The following COG6 variants were observed in gnomAD, a reference collection of about 807,000 sequenced individuals.
COG6 encodes the protein conserved oligomeric Golgi complex subunit 6.
Under a neutral mutation model 88.8 loss-of-function variants are expected in COG6, and 74 were observed. The ratio of observed to expected loss-of-function variants is 0.83; its 90% CI spans 0.69 to 1.01. The LOEUF is 1.01. Ranked by LOEUF, COG6 falls within the 50% of genes least tolerant of loss-of-function variation. The pLI is 0.00. For missense variants in COG6, 800 were observed against 797.9 expected, an observed-to-expected ratio of 1.00 and a Z score of -0.03; for synonymous variants, 286 against 278.7, an observed-to-expected ratio of 1.03 and a Z score of -0.26.
chr13:39,705,410 T>A (rs187465858), intron 13 of COG6, among the ~76,000 whole-genome samples: 1 of 152,262 alleles, frequency 6.6e-6, no homozygotes, highest in African/African-American at 2.4e-5. Flanking sequence ...GTAGGCATAC[T>A]CCCTTCCTTA....
chr13:39,761,039 T>C (rs1880993507), intron 18 of COG6, among the ~76,000 whole-genome samples: 1 of 151,958 alleles, frequency 6.6e-6, no homozygotes. Context: ...AGAATCCACT[T>C]ATATTTCTTC....
intron 13 of COG6, among the ~76,000 whole-genome samples, chr13:39,714,205 CTT>C (rs1437562852): frequency 2.1e-5 from 3 of 140,276 alleles, no homozygotes; most frequent in East Asian, 4.2e-4. Flanking sequence ...TTAAAAATCT[CTT>C]GTGTTAATTT....
chr13:39,714,424 C>T (rs2138065533), intron 13 of COG6, among the ~76,000 whole-genome samples: 1 of 151,038 alleles, frequency 6.6e-6, no homozygotes, highest in East Asian at 2.0e-4. Flanking sequence ...AACAAATCAG[C>T]AAGAAAAAAA....
At chr13:39,746,910 G>A (rs1880380289) in intron 18 of COG6, among the ~76,000 whole-genome samples, 1 of 152,104 alleles carries the variant, frequency 6.6e-6, no homozygotes, top group Non-Finnish European at 1.5e-5. Context: ...CTAAAATAAT[G>A]TATGTGTATG....
In COG6 at chr13:39,751,256, GAAGT is replaced by G. The variant is rs1439203004; in HGVS notation, c.*170_*173del. On this transcript the variant is annotated 3_prime_UTR_variant, in exon 19 of 19. Transcript: ENST00000455146. ...TTTTTTTTTTGGTCTCAGTAACAGG[GAAGT>G]AAGTAACATGTTGACCTGAGCTAGT... 27 of 1,515,408 alleles carry G rather than the reference GAAGT, an allele frequency of 1.8e-5. No homozygotes were observed. The highest frequency in any genetic ancestry group is 3.7e-5 in the South Asian group (3 of 80,678). The allele number at this position is 1,515,408 out of a possible 1,614,324, so 93.9% of individuals were successfully genotyped here.
chr13:39,684,588 G>A (rs1296443441), intron 8 of COG6, among the ~76,000 whole-genome samples: 2 of 151,976 alleles, frequency 1.3e-5, no homozygotes, highest in African/African-American at 2.4e-5. Flanking sequence ...AAGTTGAGTA[G>A]GAAAGTAAGT....
chr13:39,672,002 C>T (rs1339784085), intron 4 of COG6, among the ~76,000 whole-genome samples: 1 of 151,886 alleles, frequency 6.6e-6, no homozygotes, highest in Non-Finnish European at 1.5e-5. Flanking sequence ...GTACCCACTC[C>T]TTTCTACACA....
chr13:39,690,420 G>A (rs540117926), intron 11 of COG6, among the ~76,000 whole-genome samples: 1 of 152,056 alleles, frequency 6.6e-6, no homozygotes, highest in South Asian at 2.1e-4. Context: ...ATCATCCAGG[G>A]TTGTTGTGAG....
chr13:39,768,031 C>A (rs914736755), intron 18 of COG6, among the ~76,000 whole-genome samples: 4 of 152,134 alleles, frequency 2.6e-5, no homozygotes, highest in Non-Finnish European at 5.9e-5. Context: ...ACCAGGGTCT[C>A]TTCTATCTAG....
chr13:39,779,148 A>G (rs765080832), intron 18 of COG6, among the ~76,000 whole-genome samples: 3 of 152,212 alleles, frequency 2.0e-5, no homozygotes, highest in Non-Finnish European at 4.4e-5. Context: ...TTCACCAGTA[A>G]AATAGAAATG....
rs773473260 is a variant in COG6, at chr13:39,655,683, C to T, written c.-44C>T. On this transcript the variant is annotated 5_prime_UTR_variant, in exon 1 of 19. Transcript: ENST00000455146. ...CAATACTCGCGCTGCCTCCGTGGTC[C>T]CTGCCTGGCTGAGGTGGCAGCAGGG... 1 of 1,554,762 alleles carries T rather than the reference C, an allele frequency of 6.4e-7. No homozygotes were observed. Among genetic ancestry groups the T allele is most frequent in the Non-Finnish European group, 8.7e-7 (1 of 1,149,704 alleles).
chr13:39,760,794 C>T (rs540785024), intron 18 of COG6, among the ~76,000 whole-genome samples: 3 of 152,108 alleles, frequency 2.0e-5, no homozygotes, highest in South Asian at 4.2e-4. Context: ...AAGGCTAGTA[C>T]CATCTCTGTC....
intron 12 of COG6, among the ~76,000 whole-genome samples, chr13:39,697,782 G>C (rs75600772): frequency 0.062 from 9,406 of 151,916 alleles, 384 homozygotes; most frequent in Non-Finnish European, 0.095. Flanking sequence ...CTGTTCACTG[G>C]CTTGTTTTGG....
At chr13:39,690,738 T>C (rs929038309) in intron 11 of COG6, among the ~76,000 whole-genome samples, 5 of 151,962 alleles carry the variant, frequency 3.3e-5, no homozygotes, top group Non-Finnish European at 7.4e-5. Flanking sequence ...ATTGATTATA[T>C]TGACAAATTT....
intron 11 of COG6, among the ~76,000 whole-genome samples, chr13:39,691,749 A>T (rs2138016243): frequency 6.6e-6 from 1 of 152,038 alleles, no homozygotes; most frequent in Admixed American, 6.6e-5. Context: ...GAGGAAAAAA[A>T]TTTCGACTTT....
intron 18 of COG6, among the ~76,000 whole-genome samples, chr13:39,737,636 G>A (rs183688208): frequency 9.9e-5 from 15 of 151,798 alleles, no homozygotes; most frequent in Non-Finnish European, 1.9e-4. Flanking sequence ...AGTGATGCAA[G>A]TACTCCCGTG....
chr13:39,727,686 C>T, intron 18 of COG6, 138 bp downstream of exon 18: 1 of 727,294 alleles, frequency 1.4e-6, no homozygotes, highest in Non-Finnish European at 2.5e-6. Flanking sequence ...CTTTCTTCTG[C>T]CTTGGCATGC....
rs560274356 is a variant in COG6, at chr13:39,744,275, A to T, written c.1827-6671A>T. ...CCAGGGCAATCAGGCAAGAGAGAGAAATAAAGGATATTTAATTAGGAAAAG... is the reference window on the plus strand; with the variant it reads ...CCAGGGCAATCAGGCAAGAGAGAGATATAAAGGATATTTAATTAGGAAAAG... On this transcript the variant is annotated intron_variant, in intron 18 of 18. Transcript: ENST00000455146. 9.2e-5 allele frequency among the ~76,000 whole-genome samples: 14 copies of T among 152,334 alleles called. No homozygotes were observed. In the East Asian group the frequency reaches 2.7e-3, roughly 29 times the overall value.
chr13:39,677,423 CTGTG>C, intron 4 of COG6, 41 bp from the exon 5 acceptor site: 2 of 1,068,346 alleles, frequency 1.9e-6, no homozygotes, highest in Non-Finnish European at 2.9e-6. Flanking sequence ...AGCTATGCAA[CTGTG>C]TAAGATGCTT....
Sources: gnomAD v4.1 joint callset for allele counts (sites outside exome capture counted in the v4.1 genomes callset) on GRCh38, gnomAD v4.1.1 for gene constraint, MANE v1.5 for transcripts, NCBI Gene and HGNC (gene_info 2026-07-23, HGNC 2026-07-21) for gene names.